Variants in LDLRAD3 observed in about 807,000 individuals in gnomAD.
The protein encoded by LDLRAD3 is low density lipoprotein receptor class A domain containing 3.
Under a neutral mutation model 29.4 loss-of-function variants are expected in LDLRAD3, and 20 were observed. The observed-to-expected ratio is 0.68, with a 90% confidence interval of 0.48 to 0.99. The LOEUF is 0.99. Among genes scored for constraint, LDLRAD3 ranks in the 50% least tolerant of loss-of-function variants. The pLI is 0.00. For synonymous variants in LDLRAD3, 157 were observed against 192.7 expected, an observed-to-expected ratio of 0.81 and a Z score of 1.53; for missense variants, 420 against 454.3, an observed-to-expected ratio of 0.92 and a Z score of 0.69.
rs1306758042 is a variant in LDLRAD3 at position 36,230,845 on chromosome 11, A to G, written c.*1448A>G. The stretch of plus-strand genomic sequence containing the variant: ...CTCCAGACTAACCTGTGTGCCAGAC[A>G]TTTGTGCATTGTTGCACTTTGAGGT... On this transcript the variant is annotated 3_prime_UTR_variant, in exon 6 of 6. Transcript: ENST00000315571. 3 of 152,550 alleles carry G rather than the reference A, an allele frequency of 2.0e-5. No individual in the cohort carries two copies. Among genetic ancestry groups the G allele is most frequent in the Non-Finnish European group, 4.4e-5 (3 of 68,040 alleles). 9.4% of individuals were successfully genotyped at this position (152,550 alleles called of 1,614,324 possible).
intron 4 of LDLRAD3, among the ~76,000 whole-genome samples, chr11:36,200,330 G>A (rs149536164): frequency 1.3e-5 from 2 of 152,232 alleles, no homozygotes; most frequent in African/African-American, 4.8e-5. Context: ...GTCCTCCTCA[G>A]CACGCACTCC....
chr11:36,143,613 A>G (rs994285638), intron 4 of LDLRAD3, among the ~76,000 whole-genome samples: 3 of 152,202 alleles, frequency 2.0e-5, no homozygotes, highest in African/African-American at 4.8e-5. Context: ...TCCTAAGTGT[A>G]TTAGTTGGCT....
intron 4 of LDLRAD3, among the ~76,000 whole-genome samples, chr11:36,116,381 A>C (rs1210539649): frequency 6.6e-6 from 1 of 152,054 alleles, no homozygotes; most frequent in Non-Finnish European, 1.5e-5. Flanking sequence ...AGGAAATACC[A>C]GTGGAATGTT....
intron 4 of LDLRAD3, among the ~76,000 whole-genome samples, chr11:36,124,344 G>A (rs536020238): frequency 7.2e-5 from 11 of 152,316 alleles, no homozygotes; most frequent in South Asian, 6.2e-4. Context: ...TATACTATAT[G>A]CCAGGCACTA....
chr11:36,060,353 CAAAAAAAAAAAA>C (rs60557347), intron 2 of LDLRAD3, among the ~76,000 whole-genome samples: 8 of 73,554 alleles, frequency 1.1e-4, no homozygotes, highest in African/African-American at 4.1e-4. Context: ...GACTCTGTCT[CAAAAAAAAAAAA>C]AAAAAAAAAG....
chr11:35,988,873 A>G (rs1330538425), intron 1 of LDLRAD3: 2 of 150,372 alleles, frequency 1.3e-5, no homozygotes, highest in African/African-American at 4.9e-5. Context: ...GTGAGTCACC[A>G]TGCCTGGCCA....
intron 4 of LDLRAD3, among the ~76,000 whole-genome samples, chr11:36,156,695 C>T (rs1854356863): frequency 6.6e-6 from 1 of 152,230 alleles, no homozygotes; most frequent in Non-Finnish European, 1.5e-5. Flanking sequence ...CCCTCCCCTC[C>T]TCATGGCACC....
chr11:36,135,794 C>T (rs1201547085), intron 4 of LDLRAD3, among the ~76,000 whole-genome samples: 2 of 152,108 alleles, frequency 1.3e-5, no homozygotes, highest in Admixed American at 6.5e-5. Flanking sequence ...CCTGTAATCC[C>T]AGCTACTCAG....
chr11:35,989,819 T>A (rs1326502975), intron 1 of LDLRAD3, among the ~76,000 whole-genome samples: 1 of 152,184 alleles, frequency 6.6e-6, no homozygotes, highest in Non-Finnish European at 1.5e-5. Context: ...TCTTTAGGGT[T>A]CTCTAGGTAT....
At chr11:36,071,765 C>G (rs538307206) in intron 2 of LDLRAD3, among the ~76,000 whole-genome samples, 8 of 152,256 alleles carry the variant, frequency 5.3e-5, no homozygotes, top group Admixed American at 1.3e-4. Flanking sequence ...TGGCCCTTTG[C>G]TATTGGAAGT....
intron 1 of LDLRAD3, chr11:35,968,325 G>A: frequency 2.8e-6 from 1 of 362,642 alleles, no homozygotes; most frequent in Non-Finnish European, 5.3e-6. Flanking sequence ...TCTGGAAGGA[G>A]GCTTTGCTGT....
intron 2 of LDLRAD3, among the ~76,000 whole-genome samples, chr11:36,044,904 C>T (rs1161140319): frequency 6.6e-6 from 1 of 152,222 alleles, no homozygotes; most frequent in African/African-American, 2.4e-5. Context: ...CAATTAAACA[C>T]CTAAGTGGAT....
At chr11:36,212,953 T>C (rs1196811650) in intron 4 of LDLRAD3, among the ~76,000 whole-genome samples, 1 of 152,190 alleles carries the variant, frequency 6.6e-6, no homozygotes, top group African/African-American at 2.4e-5. Context: ...CTCTGCAGTC[T>C]TTTGGAATAA....
At chr11:36,217,033 CCT>C (rs748077597) in intron 4 of LDLRAD3, among the ~76,000 whole-genome samples, 1 of 152,114 alleles carries the variant, frequency 6.6e-6, no homozygotes, top group Non-Finnish European at 1.5e-5. Flanking sequence ...AGTTACTTAA[CCT>C]CTCTGTTAAT....
intron 2 of LDLRAD3, among the ~76,000 whole-genome samples, chr11:36,075,419 G>T (rs12361738): frequency 6.6e-6 from 1 of 151,920 alleles, no homozygotes; most frequent in Non-Finnish European, 1.5e-5. Context: ...TTATATGAAG[G>T]GACTGTAGTG....
intron 2 of LDLRAD3, among the ~76,000 whole-genome samples, chr11:36,059,579 G>A (rs1371036569): frequency 6.6e-6 from 1 of 151,980 alleles, no homozygotes; most frequent in Non-Finnish European, 1.5e-5. Flanking sequence ...CAGGCTTTAG[G>A]TATGTTCTTG....
chr11:36,156,657 A>T (rs1854356144), intron 4 of LDLRAD3, among the ~76,000 whole-genome samples: 1 of 152,230 alleles, frequency 6.6e-6, no homozygotes, highest in South Asian at 2.1e-4. Flanking sequence ...ATGTGGCATT[A>T]TTTGGCAACA....
intron 4 of LDLRAD3, among the ~76,000 whole-genome samples, chr11:36,164,034 C>T (rs757518088): frequency 5.9e-5 from 9 of 152,228 alleles, no homozygotes; most frequent in Middle Eastern, 6.8e-3. Context: ...GAGAGGAAAT[C>T]GGTGACAGAA....
intron 2 of LDLRAD3, among the ~76,000 whole-genome samples, chr11:36,066,757 T>A (rs1852801005): frequency 6.6e-6 from 1 of 152,238 alleles, no homozygotes; most frequent in African/African-American, 2.4e-5. Context: ...AAGAATATTA[T>A]GGGCTTGTCT....
Sources: allele counts gnomAD v4.1 joint callset (sites outside exome capture counted in the v4.1 genomes callset), GRCh38; gene constraint gnomAD v4.1.1; transcripts MANE v1.5; gene names NCBI Gene and HGNC (gene_info 2026-07-23, HGNC 2026-07-21).